HSD17B4: variants seen among roughly 807,000 people sequenced by gnomAD.
The protein encoded by HSD17B4 is peroxisomal multifunctional enzyme type 2.
HSD17B4 carries 70 observed loss-of-function variants against 101.0 expected under a neutral mutation model. That is an observed-to-expected ratio of 0.69 (90% CI 0.57 to 0.85). The LOEUF (loss-of-function observed/expected upper bound fraction) is 0.85, where lower values mean the gene tolerates loss of function less well. Among genes scored for constraint, HSD17B4 ranks in the 40% least tolerant of loss-of-function variants. The pLI is 0.00. For missense variants in HSD17B4, 984 were observed against 892.4 expected, an observed-to-expected ratio of 1.10 and a Z score of -1.31; for synonymous variants, 347 against 297.1, an observed-to-expected ratio of 1.17 and a Z score of -1.73.
At chr5:119,514,927 A>G in intron 16 of HSD17B4, 54 bp from the exon 17 acceptor site, 1 of 1,003,788 alleles carries the variant, frequency 1.0e-6, no homozygotes, top group East Asian at 2.4e-5. Flanking sequence ...GTTTGGTTAA[A>G]GAGAATAATG....
intron 8 of HSD17B4, among the ~76,000 whole-genome samples, chr5:119,483,224 C>T (rs941619486): frequency 6.6e-6 from 1 of 152,094 alleles, no homozygotes; most frequent in Non-Finnish European, 1.5e-5. Context: ...CAGCCTCTAG[C>T]AATTTGTCGG....
chr5:119,473,771 T>G, intron 2 of HSD17B4, 137 bp from the exon 3 acceptor site: 1 of 696,408 alleles, frequency 1.4e-6, no homozygotes, highest in Non-Finnish European at 2.7e-6. Context: ...TTTAGTAAGA[T>G]GGGATAGGGT....
intron 9 of HSD17B4, among the ~76,000 whole-genome samples, chr5:119,491,541 A>G (rs1436126786): frequency 2.0e-5 from 3 of 149,380 alleles, no homozygotes; most frequent in African/African-American, 7.4e-5. Context: ...CTTTCTGGGT[A>G]GCAGTTATTA....
chr5:119,536,910 C>T (rs963795103), intron 23 of HSD17B4, among the ~76,000 whole-genome samples: 5 of 152,016 alleles, frequency 3.3e-5, no homozygotes, highest in Admixed American at 1.3e-4. Flanking sequence ...CCTAATAGCC[C>T]ATGTCTTACT....
chr5:119,494,018 G>C (rs1750366020), intron 11 of HSD17B4, 72 bp downstream of exon 11: 1 of 1,495,670 alleles, frequency 6.7e-7, no homozygotes, highest in African/African-American at 1.4e-5. Flanking sequence ...CTCTTATGTA[G>C]TTGTCTTCTA....
intron 16 of HSD17B4, among the ~76,000 whole-genome samples, chr5:119,511,030 T>C (rs1254360642): frequency 2.0e-5 from 3 of 152,158 alleles, no homozygotes; most frequent in African/African-American, 7.2e-5. Context: ...AGCTTTCCCG[T>C]AGCGTGGAGG....
intron 4 of HSD17B4, 89 bp downstream of exon 4, chr5:119,474,549 A>G (rs1580548075): frequency 1.2e-6 from 1 of 816,086 alleles, no homozygotes; most frequent in East Asian, 2.4e-5. Flanking sequence ...TACTAAACAG[A>G]TACCTCTTTC....
chr5:119,494,216 T>C (rs1245874454), intron 11 of HSD17B4, among the ~76,000 whole-genome samples: 2 of 152,204 alleles, frequency 1.3e-5, no homozygotes, highest in Non-Finnish European at 2.9e-5. Context: ...TACTCATTTG[T>C]GCTGAATGCA....
chr5:119,517,380 G>A (rs1308609142), intron 17 of HSD17B4, among the ~76,000 whole-genome samples: 4 of 152,218 alleles, frequency 2.6e-5, no homozygotes, highest in Non-Finnish European at 5.9e-5. Flanking sequence ...CCATGCCTGA[G>A]CCTCCCACCC....
intron 2 of HSD17B4, among the ~76,000 whole-genome samples, chr5:119,460,987 A>T (rs992472320): frequency 3.9e-5 from 6 of 152,186 alleles, no homozygotes; most frequent in African/African-American, 1.4e-4. Flanking sequence ...CAGTGTGGTT[A>T]TATAGCGAGC....
At chr5:119,516,942 G>T (rs1752661766) in intron 17 of HSD17B4, among the ~76,000 whole-genome samples, 1 of 152,272 alleles carries the variant, frequency 6.6e-6, no homozygotes, top group Non-Finnish European at 1.5e-5. Flanking sequence ...ACAGCGTGCT[G>T]GCAGTCCTCA....
chr5:119,460,894 G>A (rs77652050), intron 2 of HSD17B4, among the ~76,000 whole-genome samples: 21,718 of 152,162 alleles, frequency 0.14, 1,644 homozygotes, highest in African/African-American at 0.16. Flanking sequence ...CTGCTGTCGC[G>A]GCATCCCTGG....
chr5:119,468,891 T>A (rs1756074408), intron 2 of HSD17B4, among the ~76,000 whole-genome samples: 1 of 151,834 alleles, frequency 6.6e-6, no homozygotes, highest in South Asian at 2.1e-4. Context: ...ATGTAGTCTG[T>A]TGTTGAAGCT....
At chr5:119,535,543 G>A (rs1754458986) in intron 22 of HSD17B4, among the ~76,000 whole-genome samples, 1 of 151,204 alleles carries the variant, frequency 6.6e-6, no homozygotes, top group Admixed American at 6.6e-5. Flanking sequence ...CTTTTTTCAT[G>A]TTTAGTTTTA....
intron 9 of HSD17B4, among the ~76,000 whole-genome samples, chr5:119,490,589 G>C (rs1750010550): frequency 6.6e-6 from 1 of 151,710 alleles, no homozygotes; most frequent in Non-Finnish European, 1.5e-5. Flanking sequence ...TTTTGAGGCA[G>C]AGTCTTTCTC....
chr5:119,455,568 C>CTCTCTCTCTATA (rs35030315), intron 1 of HSD17B4, among the ~76,000 whole-genome samples: 1 of 136,474 alleles, frequency 7.3e-6, no homozygotes, highest in Non-Finnish European at 1.5e-5. Context: ...CTCTCTCTCT[C>CTCTCTCTCTATA]TATATATATA....
chr5:119,500,517 T>C (rs912480673), intron 13 of HSD17B4, among the ~76,000 whole-genome samples: 1 of 152,070 alleles, frequency 6.6e-6, no homozygotes, highest in Non-Finnish European at 1.5e-5. Flanking sequence ...ATGTTTGAGG[T>C]GTCTGTTACA....
chr5:119,459,637 G>T (rs1285580693), intron 2 of HSD17B4, among the ~76,000 whole-genome samples: 1 of 152,094 alleles, frequency 6.6e-6, no homozygotes, highest in Non-Finnish European at 1.5e-5. Context: ...TGGTGAGGAG[G>T]GCCTCCTTTC....
intron 6 of HSD17B4, chr5:119,476,406 T>G: frequency 5.0e-6 from 1 of 198,156 alleles, no homozygotes; most frequent in Non-Finnish European, 9.1e-6. Context: ...AAGAATTTTT[T>G]TTTTCTTTTG....
Sources: gnomAD v4.1 joint callset for allele counts (sites outside exome capture counted in the v4.1 genomes callset) on GRCh38, gnomAD v4.1.1 for gene constraint, MANE v1.5 for transcripts, NCBI Gene and HGNC (gene_info 2026-07-23, HGNC 2026-07-21) for gene names.